The following PLCL1 variants were observed in gnomAD, a reference collection of about 807,000 sequenced individuals.
The protein encoded by PLCL1 is inactive phospholipase C-like protein 1.
In PLCL1, 41 loss-of-function variants were observed where a neutral mutation model predicts 84.4. The observed-to-expected ratio is 0.49, with a 90% confidence interval of 0.38 to 0.63. The LOEUF (loss-of-function observed/expected upper bound fraction) is 0.63. Among genes scored for constraint, PLCL1 ranks in the 30% least tolerant of loss-of-function variants. The probability of loss-of-function intolerance (pLI) is 0.00; values close to 1 mark genes in which losing one functional copy is unlikely to be tolerated. For missense variants in PLCL1, 1,206 were observed against 1,367.8 expected (o/e 0.88, Z 1.87); for synonymous variants, 490 against 488.3 (o/e 1.00, Z -0.05).
chr2:197,959,135 C>T (rs1689556874), intron 1 of PLCL1, among the ~76,000 whole-genome samples: 2 of 151,932 alleles, frequency 1.3e-5, no homozygotes, highest in African/African-American at 4.8e-5. Context: ...CAGGGTTCTC[C>T]AGAGAAACAG....
At chr2:197,848,798 G>A (rs1687168294) in intron 1 of PLCL1, among the ~76,000 whole-genome samples, 1 of 152,146 alleles carries the variant, frequency 6.6e-6, no homozygotes, top group Non-Finnish European at 1.5e-5. Flanking sequence ...TGACCCAAGT[G>A]ATGGTGTCTG....
chr2:197,952,210 T>C (rs1264508183), intron 1 of PLCL1, among the ~76,000 whole-genome samples: 1 of 152,164 alleles, frequency 6.6e-6, no homozygotes, highest in Non-Finnish European at 1.5e-5. Flanking sequence ...GATTCCCTGG[T>C]GTTCAAGAAA....
chr2:198,140,776 C>T (rs1214332293), intron 5 of PLCL1, among the ~76,000 whole-genome samples: 1 of 152,012 alleles, frequency 6.6e-6, no homozygotes, highest in African/African-American at 2.4e-5. Flanking sequence ...AAAGTGTCTT[C>T]TATACTTTAT....
intron 5 of PLCL1, among the ~76,000 whole-genome samples, chr2:198,113,342 A>G (rs1036232726): frequency 2.6e-5 from 4 of 152,090 alleles, no homozygotes; most frequent in Admixed American, 2.6e-4. Flanking sequence ...TTATTAATTC[A>G]ACAAATGTAT....
chr2:197,868,511 T>A (rs901775111), intron 1 of PLCL1, among the ~76,000 whole-genome samples: 2 of 152,164 alleles, frequency 1.3e-5, no homozygotes, highest in East Asian at 3.9e-4. Context: ...TTTTACACTT[T>A]TTTTTTAAAG....
Position 198,016,730 on chromosome 2 carries a change from G to A in PLCL1, c.241-67028G>A, listed in dbSNP as rs146725125. On this transcript the variant is annotated intron_variant, in intron 1 of 5. Transcript: ENST00000428675. ...TATTACTTAGGGCTCAACTTTGAAC[G>A]AACTTGAGGTTACAAAGCTCAGTAT... Among the ~76,000 whole-genome samples, 11 of 152,272 alleles carry A rather than the reference G, an allele frequency of 7.2e-5. No homozygotes were observed. In the East Asian group the frequency reaches 1.9e-3, roughly 27 times the overall value.
intron 1 of PLCL1, among the ~76,000 whole-genome samples, chr2:198,073,767 G>T (rs1025288772): frequency 6.6e-6 from 1 of 152,138 alleles, no homozygotes; most frequent in Non-Finnish European, 1.5e-5. Flanking sequence ...TTACAATACA[G>T]ACTTAATACA....
In PLCL1 at chr2:197,931,896, A is replaced by G. The variant is rs1212073239; in HGVS notation, c.240+126557A>G. 4.6e-5 allele frequency among the ~76,000 whole-genome samples: 7 copies of G among 152,298 alleles called. 1 individual carries two copies. The South Asian group carries it at 1.0e-3, about 23-fold the overall frequency. On this transcript the variant is annotated intron_variant, in intron 1 of 5. Coordinates refer to ENST00000428675, the MANE Select transcript of PLCL1 (RefSeq NM_006226.4). ...TAAATTGTTAAGGTTAAAATTGTCA[A>G]AATTGGAGGGCTGTGGTCATTTTAC... is the stretch of plus-strand genomic sequence containing the variant.
chr2:198,008,558 A>T (rs1690788132), intron 1 of PLCL1, among the ~76,000 whole-genome samples: 1 of 151,518 alleles, frequency 6.6e-6, no homozygotes, highest in African/African-American at 2.4e-5. Context: ...TTAAGGCTGC[A>T]TAATATCCCA....
At chr2:198,020,037 C>T (rs571506658) in intron 1 of PLCL1, among the ~76,000 whole-genome samples, 7 of 152,236 alleles carry the variant, frequency 4.6e-5, no homozygotes, top group Non-Finnish European at 1.0e-4. Context: ...AACAGCATAT[C>T]TCTCTGCAGA....
chr2:197,950,738 G>C (rs1689374217), intron 1 of PLCL1, among the ~76,000 whole-genome samples: 1 of 152,068 alleles, frequency 6.6e-6, no homozygotes, highest in African/African-American at 2.4e-5. Context: ...TGCTACTTCA[G>C]ATTTTACTAA....
chr2:197,864,859 G>A (rs890427380), intron 1 of PLCL1, among the ~76,000 whole-genome samples: 9 of 152,260 alleles, frequency 5.9e-5, no homozygotes, highest in African/African-American at 1.9e-4. Context: ...AGTTACAGAA[G>A]CGGTTAAGAA....
rs530059500 is a variant in PLCL1, at chr2:198,077,842, C to T, written c.241-5916C>T. Among the ~76,000 whole-genome samples, 3 of 152,218 alleles carry T rather than the reference C, an allele frequency of 2.0e-5. No individual in the cohort carries two copies. In the South Asian group the frequency reaches 6.2e-4, roughly 32 times the overall value. On this transcript the variant is annotated intron_variant, in intron 1 of 5. Coordinates refer to ENST00000428675, the MANE Select transcript of PLCL1 (RefSeq NM_006226.4). ...TTCATACCTCATTTAGTAATATTTC[C>T]ACTCACTTCTCACTCAAACCAAAAA... is the stretch of plus-strand genomic sequence containing the variant.
chr2:198,058,975 A>C (rs1236418481), intron 1 of PLCL1, among the ~76,000 whole-genome samples: 4 of 152,202 alleles, frequency 2.6e-5, no homozygotes, highest in Non-Finnish European at 5.9e-5. Flanking sequence ...TCCTGAGTAC[A>C]TCTTACTGTG....
At chr2:198,012,058 G>GAAC (rs141010278) in intron 1 of PLCL1, among the ~76,000 whole-genome samples, 1 of 151,982 alleles carries the variant, frequency 6.6e-6, no homozygotes, top group Non-Finnish European at 1.5e-5. Context: ...GTATGAGACA[G>GAAC]AACACTCAAA....
At chr2:198,131,458 C>T (rs759278742) in intron 5 of PLCL1, among the ~76,000 whole-genome samples, 1 of 152,154 alleles carries the variant, frequency 6.6e-6, no homozygotes, top group Non-Finnish European at 1.5e-5. Context: ...TTTAACATAG[C>T]AATTTTAACC....
chr2:197,989,446 T>C (rs1043875683), intron 1 of PLCL1, among the ~76,000 whole-genome samples: 8 of 152,166 alleles, frequency 5.3e-5, no homozygotes, highest in African/African-American at 1.7e-4. Context: ...GAGTAGGATT[T>C]GAAATACCAG....
chr2:198,002,044 G>T, intron 1 of PLCL1: 1 of 374,388 alleles, frequency 2.7e-6, no homozygotes, highest in South Asian at 2.2e-5. Context: ...ATATTACAAT[G>T]TAATAATAAT....
chr2:198,110,307 C>G (rs141849310), intron 5 of PLCL1, among the ~76,000 whole-genome samples: 45 of 151,974 alleles, frequency 3.0e-4, no homozygotes, highest in African/African-American at 9.9e-4. Context: ...TTTGCTCCTT[C>G]TGCTTTTATC....
Sources: gnomAD v4.1 joint callset for allele counts (sites outside exome capture counted in the v4.1 genomes callset) on GRCh38, gnomAD v4.1.1 for gene constraint, MANE v1.5 for transcripts, NCBI Gene and HGNC (gene_info 2026-07-23, HGNC 2026-07-21) for gene names.